The following NCOR2 variants were observed in gnomAD, a reference collection of about 807,000 sequenced individuals.
The protein encoded by NCOR2 is nuclear receptor corepressor 2.
In NCOR2, 81 loss-of-function variants were observed where a neutral mutation model predicts 262.9. That is an observed-to-expected ratio of 0.31 (90% confidence interval 0.26 to 0.37). NCOR2 has a LOEUF of 0.37. NCOR2 is among the 10% of genes least tolerant of loss of function. NCOR2 has a pLI of 1.00. For missense variants in NCOR2, 3,385 were observed against 3,621.4 expected (o/e 0.93, Z 1.68); for synonymous variants, 1,659 against 1,559.3 (o/e 1.06, Z -1.51).
chr12:124,398,565 G>C (rs1351191844), intron 15 of NCOR2, among the ~76,000 whole-genome samples: 1 of 152,220 alleles, frequency 6.6e-6, no homozygotes, highest in Admixed American at 6.5e-5. Context: ...GGGGTCACCT[G>C]GTGACGTGGC....
At chr12:124,547,054 A>G (rs960983324) in intron 1 of NCOR2, among the ~76,000 whole-genome samples, 1 of 152,020 alleles carries the variant, frequency 6.6e-6, no homozygotes, top group Non-Finnish European at 1.5e-5. Flanking sequence ...CAATGGTGCA[A>G]TCTCGGCTCA....
chr12:124,457,938 CG>C lies in NCOR2; in HGVS notation c.706-777del, dbSNP rs1307720362. On this transcript the variant is annotated intron_variant, in intron 5 of 46. Transcript: ENST00000405201. The surrounding 1 kb of genome is among the most constrained non-coding windows in gnomAD (Gnocchi z 4.0). The stretch of plus-strand genomic sequence containing the variant: ...CAGCCGGGTACAGGGAGGTGGGGGG[CG>C]GAGGGGCTCCTGAAGGTGGCTTCAT... 2.6e-5 allele frequency among the ~76,000 whole-genome samples: 4 copies of C among 152,032 alleles called. No individual in the cohort carries two copies. Among genetic ancestry groups the C allele is most frequent in the Non-Finnish European group, 4.4e-5 (3 of 67,990 alleles).
Position 124,451,229 on chromosome 12 carries a change from C to T in NCOR2, c.763-1362G>A, listed in dbSNP as rs910436945. On this transcript the variant is annotated intron_variant, in intron 6 of 46. Coordinates refer to ENST00000405201, the Ensembl canonical transcript of NCOR2. ...GGGCTGATCTACAACGCCGGCCCCC[C>T]GACTCCCTCGCTGGCCACGGAGGTG... Among the ~76,000 whole-genome samples the T allele has an allele frequency of 7.2e-4, 109 of 152,248 alleles. 1 individual carries two copies. Among genetic ancestry groups the T allele is most frequent in the Admixed American group, 6.2e-3 (95 of 15,290 alleles).
chr12:124,392,558 C>T (rs1212570979), intron 16 of NCOR2, among the ~76,000 whole-genome samples: 2 of 152,180 alleles, frequency 1.3e-5, no homozygotes, highest in East Asian at 1.9e-4. Context: ...AGGAAGTAGC[C>T]GGGCAGACCC....
intron 5 of NCOR2, among the ~76,000 whole-genome samples, chr12:124,460,589 G>A (rs1225200307): frequency 6.6e-6 from 1 of 152,240 alleles, no homozygotes; most frequent in African/African-American, 2.4e-5. Flanking sequence ...CTCCATAGAG[G>A]TGGATGAGAG....
Position 124,332,484 on chromosome 12 carries a change from C to T in NCOR2, c.6756-17G>A. The T allele has an allele frequency of 6.2e-7, 1 of 1,614,060 alleles. No individual in the cohort carries two copies. The highest frequency in any genetic ancestry group is 8.5e-7 in the Non-Finnish European group (1 of 1,179,956). ...CCCATCCTGCTGTGAGGATCAAACA[C>T]CTCACATCAGCTCACTTGGTGCCGA... On this transcript the variant is annotated splice_polypyrimidine_tract_variant and intron_variant, in intron 42 of 46. Transcript: ENST00000405201.
At chr12:124,539,267 T>C (rs557856060), upstream of NCOR2, 2 of 152,692 alleles carry the variant, frequency 1.3e-5, no homozygotes, top group African/African-American at 4.8e-5. The surrounding 1 kb of genome is among the most constrained non-coding windows in gnomAD (Gnocchi z 5.1). Flanking sequence ...GCAGTCGCAC[T>C]TGCTCACTCT....
intron 4 of NCOR2, 135 bp downstream of exon 6, chr12:124,472,817 A>C: frequency 8.7e-7 from 1 of 1,145,472 alleles, no homozygotes; most frequent in Non-Finnish European, 1.3e-6. Flanking sequence ...CCTGTCCAAT[A>C]AACGTAAAGG....
chr12:124,393,137 G>C (rs190023996), intron 16 of NCOR2, among the ~76,000 whole-genome samples: 1 of 152,220 alleles, frequency 6.6e-6, no homozygotes, highest in Admixed American at 6.5e-5. Context: ...GCAGAGCCTC[G>C]GGCCTCTCGC....
At chr12:124,388,640 C>T (rs747292101) in intron 16 of NCOR2, 1 of 1,302,940 alleles carries the variant, frequency 7.7e-7, no homozygotes. Flanking sequence ...GTCCCTGTCC[C>T]TGCACCCGCA....
At chr12:124,374,118 G>A (rs1214268966) in intron 19 of NCOR2, among the ~76,000 whole-genome samples, 1 of 152,168 alleles carries the variant, frequency 6.6e-6, no homozygotes, top group African/African-American at 2.4e-5. Context: ...GGGGATACTT[G>A]AAAACCCCTG....
intron 1 of NCOR2, among the ~76,000 whole-genome samples, chr12:124,510,304 T>C (rs1382323391): frequency 6.6e-6 from 1 of 152,160 alleles, no homozygotes; most frequent in Non-Finnish European, 1.5e-5. Flanking sequence ...ACTGAGGCTA[T>C]TTGCACAGGG....
At chr12:124,557,029 C>T (rs879717412) in intron 1 of NCOR2, among the ~76,000 whole-genome samples, 5 of 152,218 alleles carry the variant, frequency 3.3e-5, no homozygotes, top group Non-Finnish European at 2.9e-5. Context: ...GGGAGCAGGT[C>T]GCAGAGGACG....
chr12:124,509,478 G>A (rs1195584432), intron 1 of NCOR2, among the ~76,000 whole-genome samples: 1 of 152,186 alleles, frequency 6.6e-6, no homozygotes, highest in Non-Finnish European at 1.5e-5. Context: ...GGCAGAGGGA[G>A]TCTGTCCATT....
intron 6 of NCOR2, among the ~76,000 whole-genome samples, chr12:124,456,730 G>T (rs1392093462): frequency 6.6e-6 from 1 of 152,210 alleles, no homozygotes; most frequent in Non-Finnish European, 1.5e-5. Context: ...GTGCACCTGG[G>T]AGTGGACCGA....
chr12:124,501,457 T>C (rs1189879802), intron 1 of NCOR2, among the ~76,000 whole-genome samples: 1 of 152,048 alleles, frequency 6.6e-6, no homozygotes, highest in East Asian at 1.9e-4. Flanking sequence ...CGAGTCCATA[T>C]CCAGCTGTCA....
chr12:124,418,825 ACTC>A (rs1228390055), intron 13 of NCOR2, among the ~76,000 whole-genome samples: 1 of 151,976 alleles, frequency 6.6e-6, no homozygotes, highest in Non-Finnish European at 1.5e-5. Flanking sequence ...GAGGCATGCC[ACTC>A]CTGCCTACGA....
rs2271137 is a variant in NCOR2 at position 124,356,690 on chromosome 12, C to G, written c.3193G>C (p.Ala1065Pro). ...GAGGGGTCCGGGGCATGCGGGGAGG[C>G]CTTGATCACCTCACGGGGGGGCACG... The change falls in exon 23 of 47, where the codon GCC (alanine) becomes CCC (proline). Residue 1065 changes from alanine (A) to proline (P), a missense_variant. Physicochemically the swap from Ala to Pro is conservative, Grantham distance 27. This residue lies in a region of NCOR2 where 1,615 missense variants were observed against 1,626.9 expected (regional missense o/e 0.99). Transcript: ENST00000405201. 9 of 1,478,396 alleles carry G rather than the reference C, an allele frequency of 6.1e-6. No individual in the cohort carries two copies. The African/African-American group carries it at 8.9e-5, about 15-fold the overall frequency. The allele number at this position is 1,478,396 out of a possible 1,614,324, so 91.6% of individuals were successfully genotyped here.
In NCOR2 at chr12:124,549,714, C is replaced by T. The variant is rs1355893700; in HGVS notation, c.-164-14103G>A. 1.3e-5 allele frequency among the ~76,000 whole-genome samples: 2 copies of T among 152,184 alleles called. No homozygotes were observed. The highest frequency in any genetic ancestry group is 2.9e-5 in the Non-Finnish European group (2 of 68,038). ...GAGGCCCAGAAAGAAAACAGCCCGC[C>T]TGAAGGTGACAGAGCGCCTCGCCGT... On this transcript the variant is annotated intron_variant, in intron 1 of 32. Coordinates refer to the NCOR2 transcript ENST00000458234. The surrounding 1 kb of genome is among the most constrained non-coding windows in gnomAD (Gnocchi z 4.4).
Sources: gnomAD v4.1 joint callset for allele counts (sites outside exome capture counted in the v4.1 genomes callset) on GRCh38, gnomAD v4.1.1 for gene constraint, gnomAD v4.1.1 regional missense constraint, Gnocchi (gnomAD v3.1) non-coding constraint, MANE v1.5 for transcripts, NCBI Gene and HGNC (gene_info 2026-07-23, HGNC 2026-07-21) for gene names.